The following CABP2 variants were observed in gnomAD, a reference collection of about 807,000 sequenced individuals.
CABP2 encodes the protein calcium binding protein 2.
CABP2 carries 25 observed loss-of-function variants against 28.6 expected under a neutral mutation model. That is an observed-to-expected ratio of 0.87 (90% CI 0.64 to 1.22). CABP2 has a LOEUF of 1.22. CABP2 is among the 50% of genes most tolerant of loss of function. The pLI, the probability that CABP2 is intolerant of heterozygous loss-of-function variation, is 0.00. For synonymous variants in CABP2, 138 were observed against 126.0 expected (o/e 1.09, Z -0.64); for missense variants, 310 against 312.2 (o/e 0.99, Z 0.05).
chr11:67,519,626 A>G (rs909059727), intron 6 of CABP2, among the ~76,000 whole-genome samples, 167 bp downstream of exon 6: 5 of 152,142 alleles, frequency 3.3e-5, no homozygotes, highest in African/African-American at 7.2e-5. Context: ...TCTCTTGCCT[A>G]TGGGGATAAC....
In CABP2 at chr11:67,518,949, C is replaced by A; in HGVS notation, c.*190G>T. The A allele has an allele frequency of 1.6e-6, 1 of 613,296 alleles. No individual in the cohort carries two copies. The allele number at this position is 613,296 out of a possible 1,614,324, so 38.0% of individuals were successfully genotyped here. ...TGGAGATATTTTATTGTCAGAGAGA[C>A]AGAGACAAGGCCAGGCGGCTTTATT... On this transcript the variant is annotated 3_prime_UTR_variant, in exon 7 of 7. Transcript: ENST00000294288.
At position 67,521,176 on chromosome 11, in the gene CABP2, G is replaced by C; in HGVS notation, c.245-17C>G. ...CCTGCAGCTCTGCCAGGCAGGGTGG[G>C]GTCAGTCCTTCCCCCACAACCCCCT... is the stretch of plus-strand genomic sequence containing the variant. On this transcript the variant is annotated splice_polypyrimidine_tract_variant and intron_variant, in intron 3 of 6. Transcript: ENST00000294288. 1.2e-6 allele frequency: 2 copies of C among 1,608,902 alleles called. No homozygotes were observed. Among genetic ancestry groups the C allele is most frequent in the Non-Finnish European group, 1.7e-6 (2 of 1,179,194 alleles).
rs1198431049 is a variant in CABP2 at position 67,521,007 on chromosome 11, T to G, written c.379+18A>C. ...GCATCTGGAGGACTGGGGATGGGGA[T>G]GGGTCCGAGGCACATACTGATTTGT... On this transcript the variant is annotated intron_variant, in intron 4 of 6. Coordinates refer to ENST00000294288, the MANE Select transcript of CABP2 (RefSeq NM_016366.3). 6.2e-7 allele frequency: 1 copy of G among 1,607,900 alleles called. No homozygotes were observed. Among genetic ancestry groups the G allele is most frequent in the Non-Finnish European group, 8.5e-7 (1 of 1,175,206 alleles).
chr11:67,519,610 C>A (rs1866711038), intron 6 of CABP2, among the ~76,000 whole-genome samples, 183 bp downstream of exon 6: 1 of 152,198 alleles, frequency 6.6e-6, no homozygotes, highest in South Asian at 2.1e-4. Context: ...TGAGAATGGA[C>A]TTTCTTCTCT....
At position 67,521,971 on chromosome 11, in the gene CABP2, C is replaced by T; in HGVS notation, c.225G>A (p.Leu75=). 1 of 1,613,290 alleles carries T rather than the reference C, an allele frequency of 6.2e-7. No individual in the cohort carries two copies. The highest frequency in any genetic ancestry group is 8.5e-7 in the Non-Finnish European group (1 of 1,179,822). Residue 75 remains leucine (L), a synonymous_variant, in exon 3 of 7, where the codon CTG becomes CTA. Transcript: ENST00000294288. ...SIAATQLDRE[L]RPEEIEELQV... ...CTTTACCTTCAATCTCCTCGGGCCG[C>T]AGCTCCCGGTCCTGAAGGGCACAGA...
Position 67,523,268 on chromosome 11 carries a change from C to T in CABP2, c.42+17G>A, listed in dbSNP as rs1255638007. 1 of 1,545,688 alleles carries T rather than the reference C, an allele frequency of 6.5e-7. No individual in the cohort carries two copies. Among genetic ancestry groups the T allele is most frequent in the Non-Finnish European group, 8.8e-7 (1 of 1,140,246 alleles). Reference sequence around the variant, plus strand: ...TTCCAGCCTCCTGGCCTGGGTTTCTCCCCTGACCCCTCCTACCTTAGGGCC... The same window carrying T: ...TTCCAGCCTCCTGGCCTGGGTTTCTTCCCTGACCCCTCCTACCTTAGGGCC... On this transcript the variant is annotated intron_variant, in intron 1 of 6. Transcript: ENST00000294288.
At chr11:67,522,425 C>G in intron 2 of CABP2, 121 bp downstream of exon 2, 1 of 1,040,196 alleles carries the variant, frequency 9.6e-7, no homozygotes, top group Non-Finnish European at 1.4e-6. Context: ...TTCCCCCTAG[C>G]TCCAGGAGAG....
At position 67,521,984 on chromosome 11, in the gene CABP2, TGAAG is replaced by T; in HGVS notation, c.214-6_214-3del. 6.2e-7 allele frequency: 1 copy of T among 1,609,114 alleles called. No individual in the cohort carries two copies. Among genetic ancestry groups the T allele is most frequent in the Non-Finnish European group, 8.5e-7 (1 of 1,177,454 alleles). The stretch of plus-strand genomic sequence containing the variant: ...CTCCTCGGGCCGCAGCTCCCGGTCC[TGAAG>T]GGCACAGAGGGGTTAGGAATTCCCT... On this transcript the variant is annotated splice_region_variant and splice_polypyrimidine_tract_variant and intron_variant, in intron 2 of 6. Coordinates refer to ENST00000294288, the MANE Select transcript of CABP2 (RefSeq NM_016366.3).
At chr11:67,520,413 T>A (rs762918289) in intron 4 of CABP2, among the ~76,000 whole-genome samples, 1 of 152,086 alleles carries the variant, frequency 6.6e-6, no homozygotes, top group African/African-American at 2.4e-5. Context: ...ATGCCAGCAC[T>A]TTGGGAGGCT....
In CABP2 at chr11:67,519,811, C is replaced by T. The variant is rs376902077; in HGVS notation, c.619G>A (p.Gly207Ser). 9 of 1,613,896 alleles carry T rather than the reference C, an allele frequency of 5.6e-6. No individual in the cohort carries two copies. In the African/African-American group the frequency reaches 8.0e-5, roughly 14 times the overall value. ...GGGGTACCTTCGAAGTCGACCAGACCGTCCCCATTGAGGTCCACGTCCTGG... is the reference window on the plus strand; with the variant it reads ...GGGGTACCTTCGAAGTCGACCAGACTGTCCCCATTGAGGTCCACGTCCTGG... The part of the protein sequence containing the change: ...ILQDVDLNGD[G>S]LVDFEEFVRM... Residue 207 changes from glycine (G) to serine (S), a missense_variant, in exon 6 of 7, where the codon GGT (glycine) becomes AGT (serine). Physicochemically the swap from Gly to Ser is moderately conservative, Grantham distance 56. Transcript: ENST00000294288.
rs761754845 is a variant in CABP2 at position 67,520,056 on chromosome 11, G to A, written c.484C>T (p.Arg162Trp). 1.9e-6 allele frequency: 3 copies of A among 1,612,288 alleles called. No individual in the cohort carries two copies. The highest frequency in any genetic ancestry group is 1.1e-5 in the South Asian group (1 of 91,066). The stretch of plus-strand genomic sequence containing the variant: ...CTCAGCCCCAGTGGCCGCACCTCCC[G>A]GAAGGCGTCCCGTAGCTCCCGGACA... ...IGVRELRDAF[R>W]EFDTNGDGRI... Residue 162 changes from arginine to tryptophan, a missense_variant, in exon 5 of 7, where the codon CGG becomes TGG. Arg to Trp is a moderately radical substitution (Grantham distance 101, BLOSUM62 -3). Transcript: ENST00000294288.
rs1047074035 is a variant in CABP2 at position 67,522,721 on chromosome 11, A to C, written c.43-5T>G. On this transcript the variant is annotated splice_polypyrimidine_tract_variant and splice_region_variant and intron_variant, in intron 1 of 6. Coordinates refer to ENST00000294288, the MANE Select transcript of CABP2 (RefSeq NM_016366.3). ...GCCGAGCCACTGCAAGGGGTCCTGC[A>C]GCAGAGCCGGCCGTGAGCTGGGGCA... is the stretch of plus-strand genomic sequence containing the variant. The C allele has an allele frequency of 6.8e-7, 1 of 1,480,174 alleles. No homozygotes were observed. The highest frequency in any genetic ancestry group is 1.3e-5 in the South Asian group (1 of 74,788). The allele number at this position is 1,480,174 out of a possible 1,614,324, so 91.7% of individuals were successfully genotyped here.
At chr11:67,519,772 G>A (rs1343579275) in intron 6 of CABP2, 21 bp downstream of exon 6, 1 of 1,612,334 alleles carries the variant, frequency 6.2e-7, no homozygotes, top group South Asian at 1.1e-5. Flanking sequence ...GGCGTGTGTT[G>A]CTATGTGCGG....
chr11:67,521,220 C>T, intron 3 of CABP2, 61 bp from the exon 4 acceptor site: 1 of 1,549,346 alleles, frequency 6.5e-7, no homozygotes, highest in Non-Finnish European at 8.8e-7. Flanking sequence ...CCTGGACCCG[C>T]CTACCCTTCT....
In CABP2 at chr11:67,523,276, CCCTCCTA is replaced by C; in HGVS notation, c.42+2_42+8del. The C allele has an allele frequency of 6.4e-7, 1 of 1,551,790 alleles. No individual in the cohort carries two copies. Among genetic ancestry groups the C allele is most frequent in the East Asian group, 2.4e-5 (1 of 41,434 alleles). ...TCCTGGCCTGGGTTTCTCCCCTGAC[CCCTCCTA>C]CCTTAGGGCCCCGGCGCCAGGGCCG... On this transcript the variant is annotated splice_donor_variant and splice_donor_5th_base_variant and intron_variant, in intron 1 of 6. Transcript: ENST00000294288. LOFTEE classifies it high-confidence loss of function.
Position 67,522,726 on chromosome 11 carries a change from A to G in CABP2, c.43-10T>C. ...GCCACTGCAAGGGGTCCTGCAGCAG[A>G]GCCGGCCGTGAGCTGGGGCAGTGGC... On this transcript the variant is annotated splice_polypyrimidine_tract_variant and intron_variant, in intron 1 of 6. Coordinates refer to ENST00000294288, the MANE Select transcript of CABP2 (RefSeq NM_016366.3). The G allele has an allele frequency of 6.8e-7, 1 of 1,473,216 alleles. No individual in the cohort carries two copies. The allele number at this position is 1,473,216 out of a possible 1,614,324, so 91.3% of individuals were successfully genotyped here.
chr11:67,522,744 G>A (rs974605577), intron 1 of CABP2, 28 bp from the exon 2 acceptor site: 58 of 1,456,718 alleles, frequency 4.0e-5, no homozygotes, highest in Non-Finnish European at 5.1e-5. Context: ...GTGAGCTGGG[G>A]CAGTGGCCGC....
At chr11:67,522,082 A>C in intron 2 of CABP2, 100 bp from the exon 3 acceptor site, 13 of 1,001,570 alleles carry the variant, frequency 1.3e-5, no homozygotes, top group Non-Finnish European at 2.0e-5. Context: ...ACAATCCAAC[A>C]CGCACACGCA....
rs1185147211 is a variant in CABP2, at chr11:67,521,078, G to A, written c.326C>T (p.Thr109Ile). ...CATCTCGGTGGGCATGTAGCCCAGG[G>A]TCCGCATGCAGGCACCCAGCTCCCG... The part of the protein sequence containing the change: ...GCRELGACMR[T>I]LGYMPTEMEL... Residue 109 changes from threonine (T) to isoleucine (I), a missense_variant, in exon 4 of 7, where the codon ACC becomes ATC. Thr to Ile is a moderately conservative substitution (Grantham distance 89). Coordinates refer to ENST00000294288, the MANE Select transcript of CABP2 (RefSeq NM_016366.3). 11 of 1,602,218 alleles carry A rather than the reference G, an allele frequency of 6.9e-6. No homozygotes were observed. The highest frequency in any genetic ancestry group is 6.8e-6 in the Non-Finnish European group (8 of 1,174,590).
Sources: gnomAD v4.1 joint callset for allele counts (sites outside exome capture counted in the v4.1 genomes callset) on GRCh38, gnomAD v4.1.1 for gene constraint, MANE v1.5 for transcripts, NCBI Gene and HGNC (gene_info 2026-07-23, HGNC 2026-07-21) for gene names.